Variants in FGFR2 observed in about 807,000 individuals in gnomAD.
The protein encoded by FGFR2 is BEK fibroblast growth factor receptor.
Under a neutral mutation model 95.9 loss-of-function variants are expected in FGFR2, and 19 were observed. The ratio of observed to expected loss-of-function variants is 0.20; its 90% CI spans 0.14 to 0.29. The LOEUF is 0.29. Ranked by LOEUF, FGFR2 falls within the 10% of genes least tolerant of loss-of-function variation. The pLI, the probability that FGFR2 is intolerant of heterozygous loss-of-function variation, is 1.00. For missense variants in FGFR2, 707 were observed against 1,056.9 expected, an observed-to-expected ratio of 0.67 and a Z score of 4.59; for synonymous variants, 392 against 393.3, an observed-to-expected ratio of 1.00 and a Z score of 0.04.
chr10:121,535,283 G>T (rs1213327385), intron 6 of FGFR2, among the ~76,000 whole-genome samples: 18 of 152,124 alleles, frequency 1.2e-4, no homozygotes, highest in Non-Finnish European at 1.5e-5. Context: ...TTTGTTAGGG[G>T]TACCCTAGGA....
At chr10:121,504,978 C>A (rs3135770) in intron 9 of FGFR2, among the ~76,000 whole-genome samples, 4,588 of 152,258 alleles carry the variant, frequency 0.03, 102 homozygotes, top group African/African-American at 0.055. Flanking sequence ...GTGAAGTTAA[C>A]CACGATCCAT....
intron 2 of FGFR2, among the ~76,000 whole-genome samples, chr10:121,588,040 C>T (rs952109440): frequency 2.6e-5 from 4 of 152,160 alleles, no homozygotes; most frequent in African/African-American, 7.2e-5. Flanking sequence ...AGTACATATA[C>T]AACATAGAAT....
rs986499169 is a variant in FGFR2 at position 121,598,171 on chromosome 10, A to C, written c.-360T>G. 2.5e-6 allele frequency: 1 copy of C among 397,930 alleles called. No homozygotes were observed. Among genetic ancestry groups the C allele is most frequent in the African/African-American group, 2.1e-5 (1 of 48,566 alleles). 24.6% of individuals were successfully genotyped at this position (397,930 alleles called of 1,614,324 possible). On this transcript the variant is annotated 5_prime_UTR_variant, in exon 1 of 18. Coordinates refer to ENST00000358487, the MANE Select transcript of FGFR2 (RefSeq NM_000141.5). ...CATGACGCCCGCGGGCTGCCCTCGG[A>C]TTTGGGGAACGAGAGGAAGAAAGGA...
At chr10:121,588,132 A>C (rs918085511) in intron 2 of FGFR2, among the ~76,000 whole-genome samples, 5 of 152,188 alleles carry the variant, frequency 3.3e-5, no homozygotes, top group Non-Finnish European at 5.9e-5. Context: ...CTTAGCAATA[A>C]ACCAAATACA....
At chr10:121,516,212 C>A (rs1849690813) in intron 8 of FGFR2, among the ~76,000 whole-genome samples, 1 of 152,226 alleles carries the variant, frequency 6.6e-6, no homozygotes, top group African/African-American at 2.4e-5. Context: ...AGTGCTAGCA[C>A]TGTCAGGCAA....
intron 3 of FGFR2, among the ~76,000 whole-genome samples, chr10:121,565,170 G>C (rs751916828): frequency 2.1e-4 from 24 of 114,640 alleles, no homozygotes; most frequent in Non-Finnish European, 3.7e-4. Context: ...AGAGATGTCA[G>C]TGGTACAAAA....
intron 2 of FGFR2, among the ~76,000 whole-genome samples, chr10:121,582,941 C>T (rs1727651565): frequency 6.6e-6 from 1 of 152,342 alleles, no homozygotes; most frequent in East Asian, 1.9e-4. Context: ...TTCACCTACA[C>T]ATTAGCTGGT....
chr10:121,563,066 C>G (rs1409798610), intron 4 of FGFR2, among the ~76,000 whole-genome samples: 1 of 152,118 alleles, frequency 6.6e-6, no homozygotes, highest in Non-Finnish European at 1.5e-5. Flanking sequence ...ATGGTAAAAC[C>G]CTGTCTCTAC....
chr10:121,530,680 T>C (rs1851971854), intron 6 of FGFR2, among the ~76,000 whole-genome samples: 1 of 152,200 alleles, frequency 6.6e-6, no homozygotes, highest in South Asian at 2.1e-4. Flanking sequence ...TAAAGCCACA[T>C]GAGTAAATGA....
chr10:121,520,319 A>G, intron 6 of FGFR2, 150 bp from the exon 7 acceptor site: 1 of 754,010 alleles, frequency 1.3e-6, no homozygotes. Context: ...CTGTGGCCCC[A>G]TGAATAACAG....
intron 9 of FGFR2, among the ~76,000 whole-genome samples, chr10:121,507,111 C>T (rs1056619415): frequency 6.6e-6 from 1 of 152,200 alleles, no homozygotes; most frequent in African/African-American, 2.4e-5. Flanking sequence ...TGCTGCCCTT[C>T]CTGTGCTCAT....
intron 9 of FGFR2, among the ~76,000 whole-genome samples, chr10:121,513,125 C>T (rs1017450862): frequency 1.3e-5 from 2 of 152,342 alleles, no homozygotes; most frequent in East Asian, 3.9e-4. Context: ...CCACGCGCCT[C>T]AGCCTCCCAA....
chr10:121,557,853 C>A (rs1856383474), intron 4 of FGFR2, among the ~76,000 whole-genome samples: 1 of 152,146 alleles, frequency 6.6e-6, no homozygotes, highest in Non-Finnish European at 1.5e-5. Context: ...GAATCTCAGG[C>A]TAACTACCTT....
At chr10:121,488,180 T>G in intron 13 of FGFR2, 67 bp from the exon 14 acceptor site, 4 of 1,593,166 alleles carry the variant, frequency 2.5e-6, no homozygotes, top group Middle Eastern at 1.7e-4. Flanking sequence ...AAAGGAAATA[T>G]GTTCATTTCT....
At chr10:121,554,850 C>T (rs1341615238) in intron 4 of FGFR2, among the ~76,000 whole-genome samples, 1 of 152,118 alleles carries the variant, frequency 6.6e-6, no homozygotes. Context: ...CATGGAAATG[C>T]CAGGGCCTCC....
At chr10:121,562,473 C>T (rs1857128488) in intron 4 of FGFR2, among the ~76,000 whole-genome samples, 1 of 152,044 alleles carries the variant, frequency 6.6e-6, no homozygotes, top group African/African-American at 2.4e-5. Flanking sequence ...TTAGCAGAGA[C>T]AGGGATTTTG....
chr10:121,572,310 G>A (rs1590043251), intron 2 of FGFR2, among the ~76,000 whole-genome samples: 1 of 152,064 alleles, frequency 6.6e-6, no homozygotes, highest in African/African-American at 2.4e-5. Context: ...ACAGCGAGAC[G>A]AGAACCTGTC....
In FGFR2 at chr10:121,549,063, C is replaced by T. The variant is rs576384617; in HGVS notation, c.624+2227G>A. Among the ~76,000 whole-genome samples, 46 of 152,322 alleles carry T rather than the reference C, an allele frequency of 3.0e-4. No homozygotes were observed. The South Asian group carries it at 8.7e-3, about 29-fold the overall frequency. On this transcript the variant is annotated intron_variant, in intron 5 of 17. Transcript: ENST00000358487. ...TACTTTCAAGCTTCAACAGTACCCA[C>T]CTGCTAGCAGATCTGCCTCATAACT... is the stretch of plus-strand genomic sequence containing the variant.
At chr10:121,562,284 G>GTT (rs374500237) in intron 4 of FGFR2, among the ~76,000 whole-genome samples, 13 of 142,248 alleles carry the variant, frequency 9.1e-5, no homozygotes, top group Non-Finnish European at 1.4e-4. Context: ...AACAGAGTTT[G>GTT]TTTTTTTTTT....
Sources: allele counts gnomAD v4.1 joint callset (sites outside exome capture counted in the v4.1 genomes callset), GRCh38; gene constraint gnomAD v4.1.1; transcripts MANE v1.5; gene names NCBI Gene and HGNC (gene_info 2026-07-23, HGNC 2026-07-21).